The following ADGRB3 variants were observed in gnomAD, a reference collection of about 807,000 sequenced individuals.
ADGRB3 encodes the protein brain-specific angiogenesis inhibitor 3.
A neutral mutation model predicts 193.4 loss-of-function variants in ADGRB3; 37 were observed. That is an observed-to-expected ratio of 0.19 (90% CI 0.15 to 0.25). ADGRB3 has a LOEUF of 0.25. Ranked by LOEUF, ADGRB3 falls within the 10% of genes least tolerant of loss-of-function variation. ADGRB3 has a pLI of 1.00. For synonymous variants in ADGRB3, 690 were observed against 644.2 expected (o/e 1.07, Z -1.08); for missense variants, 1,637 against 1,852.9 (o/e 0.88, Z 2.14).
intron 6 of ADGRB3, 67 bp from the exon 7 acceptor site, chr6:68,955,957 G>A: frequency 6.5e-7 from 1 of 1,534,584 alleles, no homozygotes; most frequent in Non-Finnish European, 8.8e-7. Flanking sequence ...GGTTTTACCA[G>A]GTACTTTCTG....
intron 3 of ADGRB3, among the ~76,000 whole-genome samples, chr6:68,893,929 C>A (rs1165638712): frequency 3.3e-5 from 5 of 151,750 alleles, no homozygotes; most frequent in African/African-American, 1.2e-4. Context: ...CTCTCAAAGT[C>A]AGTTTGAAAA....
At chr6:69,343,149 TA>T (rs200967468) in intron 26 of ADGRB3, among the ~76,000 whole-genome samples, 3 of 146,142 alleles carry the variant, frequency 2.1e-5, no homozygotes, top group African/African-American at 7.6e-5. Flanking sequence ...TTATTTTTTT[TA>T]TTTTTTTTTA....
At chr6:68,793,981 A>G (rs1006764488) in intron 3 of ADGRB3, among the ~76,000 whole-genome samples, 5 of 152,180 alleles carry the variant, frequency 3.3e-5, no homozygotes, top group African/African-American at 1.2e-4. Context: ...TGTGACAAAA[A>G]GAGACTTTCC....
rs117074098 is a variant in ADGRB3 at position 69,275,397 on chromosome 6, A to T, written c.2814+36171A>T. Among the ~76,000 whole-genome samples, 50 of 152,262 alleles carry T rather than the reference A, an allele frequency of 3.3e-4. 1 individual carries two copies. The East Asian group carries it at 9.1e-3, about 28-fold the overall frequency. On this transcript the variant is annotated intron_variant, in intron 20 of 31. Coordinates refer to ENST00000370598, the MANE Select transcript of ADGRB3 (RefSeq NM_001704.3). ...GAAAAATAGGAAAGGAGGGAGGAAG[A>T]AATGTTACAGTATTAGCAACTGTGA...
rs545769237 is a variant in ADGRB3 at position 69,342,102 on chromosome 6, G to A, written c.3459+2598G>A. Among the ~76,000 whole-genome samples, 7 of 152,128 alleles carry A rather than the reference G, an allele frequency of 4.6e-5. No homozygotes were observed. In the South Asian group the frequency reaches 1.0e-3, roughly 23 times the overall value. On this transcript the variant is annotated intron_variant, in intron 26 of 31. Coordinates refer to ENST00000370598, the MANE Select transcript of ADGRB3 (RefSeq NM_001704.3). ...AGAACTTTTTCGTACTTGCTAATTG[G>A]ACTATTAACTGTCAAAAACAATGAT...
chr6:69,317,098 T>C (rs1053121522), intron 20 of ADGRB3, among the ~76,000 whole-genome samples: 3 of 151,584 alleles, frequency 2.0e-5, no homozygotes, highest in Non-Finnish European at 3.0e-5. Flanking sequence ...TACATAGGTG[T>C]ATGTATTTAT....
intron 10 of ADGRB3, among the ~76,000 whole-genome samples, chr6:68,982,663 A>G (rs978476996): frequency 3.9e-5 from 6 of 152,170 alleles, no homozygotes; most frequent in African/African-American, 1.2e-4. Context: ...GAAAATTGCA[A>G]TTCTGCATTT....
intron 3 of ADGRB3, among the ~76,000 whole-genome samples, chr6:68,691,848 AT>A (rs1317781268): frequency 2.0e-5 from 3 of 151,398 alleles, no homozygotes; most frequent in Non-Finnish European, 4.4e-5. Context: ...ACAATTATAT[AT>A]ATATATATAT....
At chr6:68,643,463 T>TTTTGG (rs1259604102) in intron 3 of ADGRB3, among the ~76,000 whole-genome samples, 7 of 140,332 alleles carry the variant, frequency 5.0e-5, no homozygotes, top group Non-Finnish European at 1.1e-4. Flanking sequence ...TTTTTTTTCG[T>TTTTGG]ATGTCACTGC....
chr6:69,369,695 CAAAAAA>C (rs913608447), intron 29 of ADGRB3, among the ~76,000 whole-genome samples: 1,402 of 59,516 alleles, frequency 0.024, 66 homozygotes, highest in Admixed American at 0.16. Flanking sequence ...AAGACCATTT[CAAAAAA>C]AAAAAAAAAA....
At position 68,974,837 on chromosome 6, in the gene ADGRB3, T is replaced by C; in HGVS notation, c.1600T>C (p.Phe534Leu). Reference sequence around the variant, plus strand: ...AAGAACTCCAGCAGGCGACTTGGCATTCAATCAATGTCCCCTGAATGCCAC... The same window carrying C: ...AAGAACTCCAGCAGGCGACTTGGCACTCAATCAATGTCCCCTGAATGCCAC... ...WKRTPAGDLAFNQCPLNATGT... is the reference protein window; with the variant it reads ...WKRTPAGDLALNQCPLNATGT... Residue 534 changes from phenylalanine (F) to leucine (L), a missense_variant, in exon 9 of 32, where the codon TTC (phenylalanine) becomes CTC (leucine). Coordinates refer to ENST00000370598, the MANE Select transcript of ADGRB3 (RefSeq NM_001704.3). 6.2e-7 allele frequency: 1 copy of C among 1,613,974 alleles called. No homozygotes were observed. Among genetic ancestry groups the C allele is most frequent in the Non-Finnish European group, 8.5e-7 (1 of 1,179,904 alleles).
chr6:69,169,359 T>C (rs1011833701), intron 17 of ADGRB3, among the ~76,000 whole-genome samples: 10 of 151,856 alleles, frequency 6.6e-5, no homozygotes, highest in African/African-American at 2.4e-4. Flanking sequence ...TACTTACCTA[T>C]TTTTTTGGCC....
At chr6:68,828,701 T>C (rs1767895439) in intron 3 of ADGRB3, among the ~76,000 whole-genome samples, 1 of 152,166 alleles carries the variant, frequency 6.6e-6, no homozygotes, top group Non-Finnish European at 1.5e-5. Context: ...CAGGAGACTT[T>C]CAACACTAAT....
chr6:68,848,625 A>T (rs1768336799), intron 3 of ADGRB3, among the ~76,000 whole-genome samples: 1 of 152,022 alleles, frequency 6.6e-6, no homozygotes, highest in South Asian at 2.1e-4. Context: ...AATTCTATTT[A>T]AATATGTTTA....
intron 17 of ADGRB3, among the ~76,000 whole-genome samples, chr6:69,219,123 A>G (rs1391986654): frequency 2.6e-5 from 4 of 151,944 alleles, no homozygotes; most frequent in Non-Finnish European, 1.5e-5. Context: ...TTATCTTGAA[A>G]TTGCAAAGAT....
intron 13 of ADGRB3, among the ~76,000 whole-genome samples, chr6:69,021,654 A>C (rs1272500458): frequency 2.0e-5 from 3 of 151,888 alleles, no homozygotes; most frequent in Non-Finnish European, 4.4e-5. Flanking sequence ...TTAGGACGAT[A>C]ATTTATATTT....
chr6:68,679,458 A>G (rs1252610769), intron 3 of ADGRB3, among the ~76,000 whole-genome samples: 2 of 152,148 alleles, frequency 1.3e-5, no homozygotes, highest in African/African-American at 2.4e-5. Flanking sequence ...TCTGCTCACA[A>G]TTTCATTGGC....
chr6:68,641,873 T>C (rs1043161722), intron 3 of ADGRB3, among the ~76,000 whole-genome samples: 1 of 151,952 alleles, frequency 6.6e-6, no homozygotes, highest in Non-Finnish European at 1.5e-5. Flanking sequence ...TATAAAATAC[T>C]AATAAATAAT....
intron 3 of ADGRB3, among the ~76,000 whole-genome samples, chr6:68,905,710 C>A (rs1010037450): frequency 1.3e-5 from 2 of 152,132 alleles, no homozygotes; most frequent in African/African-American, 4.8e-5. Flanking sequence ...TGCTTCACAG[C>A]AGTTCGTTGA....
Sources: gnomAD v4.1 joint callset for allele counts (sites outside exome capture counted in the v4.1 genomes callset) on GRCh38, gnomAD v4.1.1 for gene constraint, MANE v1.5 for transcripts, NCBI Gene and HGNC (gene_info 2026-07-23, HGNC 2026-07-21) for gene names.